The following EYS variants were observed in gnomAD, a reference collection of about 807,000 sequenced individuals.
EYS encodes the protein protein eyes shut homolog.
EYS carries 250 observed loss-of-function variants against 282.1 expected under a neutral mutation model. The ratio of observed to expected loss-of-function variants is 0.89; its 90% CI spans 0.80 to 0.98. EYS has a LOEUF of 0.98. EYS is among the 50% of genes least tolerant of loss of function. EYS has a pLI of 0.00. For synonymous variants in EYS, 1,355 were observed against 1,282.9 expected (o/e 1.06, Z -1.20); for missense variants, 4,016 against 3,709.0 (o/e 1.08, Z -2.15).
intron 2 of EYS, among the ~76,000 whole-genome samples, chr6:65,516,794 A>G (rs1767153090): frequency 6.6e-6 from 1 of 152,210 alleles, no homozygotes; most frequent in Non-Finnish European, 1.5e-5. Context: ...TTATCCTCAA[A>G]AAATTTTTCT....
intron 5 of EYS, among the ~76,000 whole-genome samples, chr6:65,457,924 T>C (rs1764687208): frequency 1.3e-5 from 2 of 152,138 alleles, no homozygotes; most frequent in African/African-American, 4.8e-5. Context: ...AGTACAAAAT[T>C]AGACCACTAT....
intron 8 of EYS, among the ~76,000 whole-genome samples, chr6:65,358,599 A>AGTGTGTGTGTGTGTGTGTGT (rs61588307): frequency 9.9e-5 from 14 of 140,930 alleles, no homozygotes; most frequent in African/African-American, 3.3e-4. Context: ...AGGTTTCTGA[A>AGTGTGTGTGTGTGTGTGTGT]GTGTGTGTGT....
chr6:65,677,910 T>C (rs1162080059), intron 1 of EYS, among the ~76,000 whole-genome samples: 5 of 152,052 alleles, frequency 3.3e-5, no homozygotes, highest in Admixed American at 2.6e-4. Context: ...CAACTGATCT[T>C]CAACAATACA....
intron 35 of EYS, among the ~76,000 whole-genome samples, chr6:63,930,706 T>C (rs1014774171): frequency 6.6e-6 from 1 of 152,194 alleles, no homozygotes; most frequent in African/African-American, 2.4e-5. Context: ...TTTGATTTTC[T>C]TCTCCATTGA....
In EYS at chr6:65,495,171, C is replaced by T. The variant is rs2127271610; in HGVS notation, c.240G>A (p.Leu80=). The change falls in exon 4 of 43, where the codon TTG becomes TTA. Residue 80 remains leucine, a synonymous_variant. Coordinates refer to ENST00000503581, the MANE Select transcript of EYS (RefSeq NM_001142800.2). The stretch of plus-strand genomic sequence containing the variant: ...CAAGGATATCTCCTAATTGAATTTG[C>T]AAAGGGCAAATCTGGGGAACAGCTT... The part of the protein sequence containing the change: ...GNQAVPQICP[L]QIQLGDILVI... 6.2e-7 allele frequency: 1 copy of T among 1,613,910 alleles called. No homozygotes were observed. Among genetic ancestry groups the T allele is most frequent in the Non-Finnish European group, 8.5e-7 (1 of 1,179,854 alleles).
At chr6:64,137,692 T>C (rs564114361) in intron 31 of EYS, among the ~76,000 whole-genome samples, 1 of 152,232 alleles carries the variant, frequency 6.6e-6, no homozygotes, top group East Asian at 1.9e-4. Context: ...TATGTATCCA[T>C]TAAGCTTGCC....
chr6:64,980,437 AAT>A (rs1421980872), intron 14 of EYS, among the ~76,000 whole-genome samples: 2 of 151,536 alleles, frequency 1.3e-5, no homozygotes, highest in Admixed American at 6.6e-5. Flanking sequence ...TGCCACAATA[AAT>A]ATATATGTCT....
intron 12 of EYS, among the ~76,000 whole-genome samples, chr6:65,167,157 G>A (rs1764992475): frequency 6.6e-6 from 1 of 151,060 alleles, no homozygotes; most frequent in South Asian, 2.1e-4. Flanking sequence ...TAACATAGAG[G>A]TATCATACAG....
Position 64,307,062 on chromosome 6 carries a change from A to G in EYS, c.6099T>C (p.Asn2033=). ...CTATAACTTCTATGCAGCCAGTAAA[A>G]TTCTTGACTGGTACAGGCATCTGAG... ...GKIQMPVPVK[N]FTGCIEVIEI... The change falls in exon 30 of 43, where the codon AAT becomes AAC. Residue 2033 remains asparagine (N), a synonymous_variant. Coordinates refer to ENST00000503581, the MANE Select transcript of EYS (RefSeq NM_001142800.2). 2.0e-6 allele frequency: 3 copies of G among 1,512,196 alleles called. No homozygotes were observed. The highest frequency in any genetic ancestry group is 2.7e-6 in the Non-Finnish European group (3 of 1,113,488). The allele number at this position is 1,512,196 out of a possible 1,614,324, so 93.7% of individuals were successfully genotyped here.
chr6:64,967,775 A>C (rs1770148523), intron 14 of EYS, among the ~76,000 whole-genome samples: 1 of 152,196 alleles, frequency 6.6e-6, no homozygotes, highest in African/African-American at 2.4e-5. Flanking sequence ...GCAGGTGCTA[A>C]ATTTCATAAC....
chr6:65,585,694 T>C (rs1464827326), intron 2 of EYS, among the ~76,000 whole-genome samples: 2 of 151,916 alleles, frequency 1.3e-5, no homozygotes, highest in East Asian at 3.9e-4. Context: ...GTCTGGCATA[T>C]GAGACTACAT....
chr6:64,201,878 G>A (rs1490043546), intron 31 of EYS, among the ~76,000 whole-genome samples: 1 of 152,096 alleles, frequency 6.6e-6, no homozygotes, highest in Non-Finnish European at 1.5e-5. Context: ...GTTCCCCAGG[G>A]AGCATTTGAC....
Position 64,266,658 on chromosome 6 carries a change from A to G in EYS, c.6192-35834T>C, listed in dbSNP as rs546958811. On this transcript the variant is annotated intron_variant, in intron 30 of 42. Coordinates refer to ENST00000503581, the MANE Select transcript of EYS (RefSeq NM_001142800.2). ...GTGACACTTCACTTTCATGGAGGTT[A>G]GATTTATGGCAACCTCACTCATCCA... Among the ~76,000 whole-genome samples, 96 of 152,264 alleles carry G rather than the reference A, an allele frequency of 6.3e-4. 2 individuals are homozygous for G. In the South Asian group the frequency reaches 0.02, roughly 32 times the overall value.
At chr6:65,414,755 G>C (rs1046447917) in intron 5 of EYS, among the ~76,000 whole-genome samples, 1 of 152,024 alleles carries the variant, frequency 6.6e-6, no homozygotes, top group Non-Finnish European at 1.5e-5. Flanking sequence ...TGCAGTTTCC[G>C]GGGTGAGGTC....
intron 5 of EYS, among the ~76,000 whole-genome samples, chr6:65,441,117 TA>T (rs1768307689): frequency 6.6e-6 from 1 of 151,084 alleles, no homozygotes; most frequent in African/African-American, 2.4e-5. Context: ...CATGGAGCAA[TA>T]AGAAATGTGT....
At chr6:64,538,746 A>G (rs1764605833) in intron 26 of EYS, among the ~76,000 whole-genome samples, 1 of 152,194 alleles carries the variant, frequency 6.6e-6, no homozygotes, top group African/African-American at 2.4e-5. Flanking sequence ...AAAATCTATA[A>G]TGGGTTTTAA....
chr6:64,329,079 C>T (rs1770536046), intron 29 of EYS, among the ~76,000 whole-genome samples: 2 of 152,062 alleles, frequency 1.3e-5, no homozygotes, highest in Non-Finnish European at 2.9e-5. Context: ...CTGAGACAGA[C>T]CAGGCTCCAT....
chr6:64,161,276 G>C (rs749651436), intron 31 of EYS, among the ~76,000 whole-genome samples: 6 of 152,136 alleles, frequency 3.9e-5, no homozygotes, highest in Non-Finnish European at 7.4e-5. Flanking sequence ...ATAAATAATA[G>C]CTATCTAAGG....
At chr6:64,791,345 T>C (rs1774185838) in intron 22 of EYS, among the ~76,000 whole-genome samples, 1 of 151,742 alleles carries the variant, frequency 6.6e-6, no homozygotes, top group African/African-American at 2.4e-5. Flanking sequence ...TAGGTGTTTG[T>C]TCATTAAGAC....
Sources: allele counts gnomAD v4.1 joint callset (sites outside exome capture counted in the v4.1 genomes callset), GRCh38; gene constraint gnomAD v4.1.1; transcripts MANE v1.5; gene names NCBI Gene and HGNC (gene_info 2026-07-23, HGNC 2026-07-21).